TAFA1: variants seen among roughly 807,000 people sequenced by gnomAD.
The protein encoded by TAFA1 is chemokine-like protein TAFA-1.
In TAFA1, 4 loss-of-function variants were observed where a neutral mutation model predicts 18.5. The ratio of observed to expected loss-of-function variants is 0.22; its 90% CI spans 0.11 to 0.49. The LOEUF (loss-of-function observed/expected upper bound fraction) is 0.49. Among genes scored for constraint, TAFA1 ranks in the 20% least tolerant of loss-of-function variants. The probability of loss-of-function intolerance (pLI) is 0.98; values close to 1 mark genes in which losing one functional copy is unlikely to be tolerated. For missense variants in TAFA1, 147 were observed against 169.0 expected, an observed-to-expected ratio of 0.87 and a Z score of 0.72; for synonymous variants, 56 against 55.2, an observed-to-expected ratio of 1.01 and a Z score of -0.06.
chr3:68,190,263 T>A (rs4276186), intron 2 of TAFA1, among the ~76,000 whole-genome samples: 1 of 151,640 alleles, frequency 6.6e-6, no homozygotes, highest in Non-Finnish European at 1.5e-5. Flanking sequence ...TATCTTGCTT[T>A]CACTCATTAC....
At chr3:68,353,557 A>G (rs140119265) in intron 2 of TAFA1, among the ~76,000 whole-genome samples, 2 of 152,148 alleles carry the variant, frequency 1.3e-5, no homozygotes, top group African/African-American at 4.8e-5. Flanking sequence ...TTGTATTCAT[A>G]GCCACTATTT....
chr3:68,393,718 T>C (rs1242097759), intron 2 of TAFA1, among the ~76,000 whole-genome samples: 5 of 152,048 alleles, frequency 3.3e-5, no homozygotes, highest in Non-Finnish European at 5.9e-5. Flanking sequence ...CATATGCAAA[T>C]CAATAAATAT....
At chr3:68,473,718 TTCCAAG>T (rs1160162263) in intron 3 of TAFA1, among the ~76,000 whole-genome samples, 1 of 152,192 alleles carries the variant, frequency 6.6e-6, no homozygotes, top group Non-Finnish European at 1.5e-5. Context: ...GGAAATGTTT[TTCCAAG>T]TCTTGATCAC....
intron 3 of TAFA1, among the ~76,000 whole-genome samples, chr3:68,475,310 TC>T (rs1225214044): frequency 1.4e-5 from 2 of 142,790 alleles, no homozygotes; most frequent in African/African-American, 5.1e-5. Flanking sequence ...CCCTCCCCCA[TC>T]CCCCCACCCC....
At chr3:68,370,625 A>T (rs2106816674) in intron 2 of TAFA1, among the ~76,000 whole-genome samples, 1 of 147,576 alleles carries the variant, frequency 6.8e-6, no homozygotes, top group Admixed American at 6.9e-5. Context: ...TACAAGTAGG[A>T]TGATGGAGTT....
At chr3:68,225,316 T>C (rs1418619499) in intron 2 of TAFA1, among the ~76,000 whole-genome samples, 2 of 152,162 alleles carry the variant, frequency 1.3e-5, no homozygotes, top group Non-Finnish European at 2.9e-5. Flanking sequence ...TTCAACAACC[T>C]GCAATGTCTA....
chr3:68,300,511 A>G (rs1575759123), intron 2 of TAFA1, among the ~76,000 whole-genome samples: 2 of 152,236 alleles, frequency 1.3e-5, no homozygotes, highest in East Asian at 3.9e-4. Flanking sequence ...ATCTCAGATG[A>G]GGCTTTGGAC....
chr3:68,039,889 G>T (rs573145559), intron 2 of TAFA1, among the ~76,000 whole-genome samples: 183 of 152,218 alleles, frequency 1.2e-3, no homozygotes, highest in Non-Finnish European at 2.3e-3. Flanking sequence ...ATAAACCAGG[G>T]TATTAACCCG....
At chr3:68,349,233 A>C (rs914939726) in intron 2 of TAFA1, among the ~76,000 whole-genome samples, 1 of 151,780 alleles carries the variant, frequency 6.6e-6, no homozygotes, top group African/African-American at 2.4e-5. Context: ...TTAAATCAGC[A>C]TTTACCATCT....
chr3:68,387,525 C>T (rs2070130903), intron 2 of TAFA1, among the ~76,000 whole-genome samples: 1 of 152,120 alleles, frequency 6.6e-6, no homozygotes, highest in African/African-American at 2.4e-5. Context: ...TATGAGTTTA[C>T]TCCATGTTCA....
chr3:68,209,382 A>T (rs1179208184), intron 2 of TAFA1, among the ~76,000 whole-genome samples: 3 of 152,098 alleles, frequency 2.0e-5, no homozygotes, highest in Non-Finnish European at 4.4e-5. Context: ...TCCATGCAGA[A>T]TATTACATTA....
intron 3 of TAFA1, among the ~76,000 whole-genome samples, chr3:68,439,412 C>CACATATATATATATAT (rs1553690985): frequency 1.4e-5 from 1 of 73,462 alleles, no homozygotes; most frequent in Non-Finnish European, 2.4e-5. Flanking sequence ...TATATACATA[C>CACATATATATATATAT]ATATATATAT....
intron 3 of TAFA1, among the ~76,000 whole-genome samples, chr3:68,436,833 T>A (rs897855887): frequency 6.6e-6 from 1 of 152,180 alleles, no homozygotes; most frequent in African/African-American, 2.4e-5. Flanking sequence ...GGAAGGCAGA[T>A]GCCTTTCCTG....
At chr3:68,284,595 A>G (rs551196911) in intron 2 of TAFA1, among the ~76,000 whole-genome samples, 2 of 152,204 alleles carry the variant, frequency 1.3e-5, no homozygotes, top group Non-Finnish European at 2.9e-5. Flanking sequence ...GGTAGAAATG[A>G]ACTGTGCTAT....
chr3:68,339,063 T>C (rs1036961430), intron 2 of TAFA1, among the ~76,000 whole-genome samples: 2 of 152,200 alleles, frequency 1.3e-5, no homozygotes, highest in African/African-American at 4.8e-5. Flanking sequence ...TTCACCTACA[T>C]TAAATTAGCT....
chr3:68,193,861 A>C (rs933218332), intron 2 of TAFA1, among the ~76,000 whole-genome samples: 1 of 151,758 alleles, frequency 6.6e-6, no homozygotes, highest in Admixed American at 6.6e-5. Context: ...AGTTTCTTAC[A>C]ACTGCAAACA....
intron 2 of TAFA1, among the ~76,000 whole-genome samples, chr3:68,182,373 G>A (rs1443301627): frequency 6.6e-6 from 1 of 152,128 alleles, no homozygotes; most frequent in Admixed American, 6.5e-5. Flanking sequence ...TCAGTATGGA[G>A]ATACAAATGA....
intron 2 of TAFA1, among the ~76,000 whole-genome samples, chr3:68,377,427 C>T (rs1037830792): frequency 6.6e-6 from 1 of 152,214 alleles, no homozygotes; most frequent in Non-Finnish European, 1.5e-5. Flanking sequence ...AGCAAAAAGA[C>T]TGGCAGCATT....
intron 3 of TAFA1, among the ~76,000 whole-genome samples, chr3:68,525,287 T>C (rs374303998): frequency 1.3e-5 from 2 of 152,338 alleles, no homozygotes; most frequent in South Asian, 2.1e-4. Context: ...GTTTAGCGGG[T>C]TTGATATTAG....
Sources: allele counts gnomAD v4.1 joint callset (sites outside exome capture counted in the v4.1 genomes callset), GRCh38; gene constraint gnomAD v4.1.1; transcripts MANE v1.5; gene names NCBI Gene and HGNC (gene_info 2026-07-23, HGNC 2026-07-21).